The following KIAA0586 variants were observed in gnomAD, a reference collection of about 807,000 sequenced individuals.
KIAA0586 encodes the protein protein TALPID3.
In KIAA0586, 144 loss-of-function variants were observed where a neutral mutation model predicts 169.8. The observed-to-expected ratio is 0.85, with a 90% CI of 0.74 to 0.97. KIAA0586 has a LOEUF of 0.97. KIAA0586 is among the 50% of genes least tolerant of loss of function. The pLI, the probability that KIAA0586 is intolerant of heterozygous loss-of-function variation, is 0.00. For synonymous variants in KIAA0586, 625 were observed against 612.4 expected (o/e 1.02, Z -0.30); for missense variants, 1,854 against 1,823.0 (o/e 1.02, Z -0.31).
chr14:58,546,672 A>G (rs2047004227), intron 30 of KIAA0586, among the ~76,000 whole-genome samples: 1 of 152,176 alleles, frequency 6.6e-6, no homozygotes, highest in African/African-American at 2.4e-5. Flanking sequence ...TTAAACTTAC[A>G]GGGGTGAATT....
chr14:58,430,149 GT>G (rs2037239968), intron 2 of KIAA0586, among the ~76,000 whole-genome samples: 1 of 150,812 alleles, frequency 6.6e-6, no homozygotes, highest in Non-Finnish European at 1.5e-5. Context: ...AGACTTTGGA[GT>G]GTTTTTTTGT....
At chr14:58,505,802 A>C (rs1335795902) in intron 27 of KIAA0586, among the ~76,000 whole-genome samples, 2 of 152,100 alleles carry the variant, frequency 1.3e-5, no homozygotes, top group African/African-American at 2.4e-5. Context: ...CTGTTTCTAT[A>C]GTTTAGATGT....
At chr14:58,529,260 GAATTCTACCAGAGGTACAAAGA>G (rs2045800740) in intron 29 of KIAA0586, among the ~76,000 whole-genome samples, 2 of 152,206 alleles carry the variant, frequency 1.3e-5, no homozygotes, top group South Asian at 4.2e-4. Flanking sequence ...ATTCACAGGC[GAATTCTACCAGAGGTACAAAGA>G]GGAGCTGCTG....
chr14:58,521,273 T>C, intron 29 of KIAA0586: 1 of 1,136,292 alleles, frequency 8.8e-7, no homozygotes, highest in Non-Finnish European at 1.3e-6. Flanking sequence ...TGAACTCCCG[T>C]GTGTTCATTG....
At chr14:58,510,865 C>CAA (rs371975350) in intron 28 of KIAA0586, among the ~76,000 whole-genome samples, 2 of 97,908 alleles carry the variant, frequency 2.0e-5, no homozygotes, top group African/African-American at 3.8e-5. Context: ...GAAGCCATAC[C>CAA]AAAAAAAAAA....
At chr14:58,436,337 A>G (rs2037817768) in intron 4 of KIAA0586, among the ~76,000 whole-genome samples, 1 of 152,106 alleles carries the variant, frequency 6.6e-6, no homozygotes, top group African/African-American at 2.4e-5. Context: ...CAATTACCAT[A>G]GCAATGTCCC....
chr14:58,441,249 G>A, intron 4 of KIAA0586: 2 of 417,558 alleles, frequency 4.8e-6, no homozygotes, highest in East Asian at 7.5e-5. Context: ...AGGCTGGAGT[G>A]ATCACAGTGG....
chr14:58,451,103 C>T (rs1424296908), intron 8 of KIAA0586, among the ~76,000 whole-genome samples: 1 of 151,700 alleles, frequency 6.6e-6, no homozygotes, highest in African/African-American at 2.4e-5. Context: ...ATTCTCCTGC[C>T]TCAGCCTCCG....
intron 29 of KIAA0586, among the ~76,000 whole-genome samples, chr14:58,530,843 G>A (rs1449527360): frequency 6.6e-6 from 1 of 152,054 alleles, no homozygotes; most frequent in East Asian, 1.9e-4. Context: ...TAGACAAATG[G>A]GATCTAATTA....
intron 24 of KIAA0586, among the ~76,000 whole-genome samples, chr14:58,489,757 G>A (rs889570962): frequency 2.6e-5 from 4 of 151,966 alleles, no homozygotes; most frequent in Non-Finnish European, 5.9e-5. Context: ...GCCTAAAAGC[G>A]AAATTGCTGA....
chr14:58,547,067 C>T (rs1438067838), intron 30 of KIAA0586, among the ~76,000 whole-genome samples: 1 of 151,722 alleles, frequency 6.6e-6, no homozygotes, highest in African/African-American at 2.4e-5. Flanking sequence ...GTTTAAGAGT[C>T]CATTTTTTAG....
intron 4 of KIAA0586, among the ~76,000 whole-genome samples, chr14:58,435,990 T>C (rs913547798): frequency 1.3e-5 from 2 of 152,176 alleles, no homozygotes; most frequent in African/African-American, 4.8e-5. Flanking sequence ...ATTACAGGCT[T>C]GACCCATCGT....
At chr14:58,479,396 T>A (rs2041876389) in intron 20 of KIAA0586, among the ~76,000 whole-genome samples, 1 of 152,200 alleles carries the variant, frequency 6.6e-6, no homozygotes, top group Admixed American at 6.5e-5. Context: ...GAGTATGAAG[T>A]TTTTTATCTA....
At position 58,512,628 on chromosome 14, in the gene KIAA0586, G is replaced by GT. The variant is rs2044470504; in HGVS notation, c.4429+2dup. 1.4e-6 allele frequency: 2 copies of GT among 1,413,792 alleles called. No homozygotes were observed. Among genetic ancestry groups the GT allele is most frequent in the Non-Finnish European group, 1.9e-6 (2 of 1,050,242 alleles). 87.6% of individuals were successfully genotyped at this position (1,413,792 alleles called of 1,614,324 possible). A position where few individuals can be genotyped will look rare whatever the true frequency, so the allele number is the denominator to read the frequency against. ...GATATTGCACCTTCACAGCAACAAG[G>GT]TAAGACTTGTTTTTATGTAATAATA... is the stretch of plus-strand genomic sequence containing the variant. On this transcript the variant is annotated splice_donor_variant, in intron 29 of 30. Transcript: ENST00000652326. LOFTEE classifies it high-confidence loss of function.
intron 26 of KIAA0586, among the ~76,000 whole-genome samples, chr14:58,497,870 ATTTTTTTTTTTTTTTT>A (rs557927775): frequency 2.1e-5 from 2 of 95,272 alleles, no homozygotes; most frequent in African/African-American, 8.1e-5. Context: ...AGTGGTTTTG[ATTTTTTTTTTTTTTTT>A]TTTTTTTTTG....
chr14:58,469,776 G>A (rs760043614), intron 16 of KIAA0586, among the ~76,000 whole-genome samples: 12 of 152,164 alleles, frequency 7.9e-5, no homozygotes, highest in Admixed American at 2.0e-4. Context: ...AGGAAGTACA[G>A]TTTATCAGCA....
In KIAA0586 at chr14:58,477,156, T is replaced by C; in HGVS notation, c.2859T>C (p.Ser953=). The C allele has an allele frequency of 1.3e-6, 2 of 1,578,518 alleles. No individual in the cohort carries two copies. Among genetic ancestry groups the C allele is most frequent in the South Asian group, 1.2e-5 (1 of 86,080 alleles). The change falls in exon 20 of 31, where the codon TCT becomes TCC. Residue 953 remains serine, a synonymous_variant. Coordinates refer to ENST00000652326, the MANE Select transcript of KIAA0586 (RefSeq NM_001329943.3). The stretch of plus-strand genomic sequence containing the variant: ...AAGAAATAATGTCAAGAATTATCTC[T>C]GGGCTCTTTCCAGTCCAGCAACAGA... ...VEQEIMSRII[S]GLFPVQQQIA... is the part of the protein sequence containing the mutation.
In KIAA0586 at chr14:58,472,240, T is replaced by A. The variant is rs368361783; in HGVS notation, c.2595T>A (p.Phe865Leu). 13 of 1,587,480 alleles carry A rather than the reference T, an allele frequency of 8.2e-6. No homozygotes were observed. Among genetic ancestry groups the A allele is most frequent in the Non-Finnish European group, 1.1e-5 (13 of 1,167,670 alleles). ...AGGTAGATGAAGAAGAGGTGAAGTT[T>A]CCAGGAACTAACTTTGATGAAATAA... Reference protein sequence around the residue: ...IMKVDEEEVKFPGTNFDEIID... With the variant: ...IMKVDEEEVKLPGTNFDEIID... The change falls in exon 18 of 31, where the codon TTT becomes TTA. Residue 865 changes from phenylalanine to leucine, a missense_variant. Coordinates refer to ENST00000652326, the MANE Select transcript of KIAA0586 (RefSeq NM_001329943.3).
chr14:58,497,044 G>A (rs2043202293), intron 26 of KIAA0586, among the ~76,000 whole-genome samples: 2 of 150,900 alleles, frequency 1.3e-5, no homozygotes, highest in South Asian at 2.1e-4. Flanking sequence ...GCGGGATCTC[G>A]GCTCACCACA....
Sources: gnomAD v4.1 joint callset for allele counts (sites outside exome capture counted in the v4.1 genomes callset) on GRCh38, gnomAD v4.1.1 for gene constraint, MANE v1.5 for transcripts, NCBI Gene and HGNC (gene_info 2026-07-23, HGNC 2026-07-21) for gene names.